The following CECR2 variants were observed in gnomAD, a reference collection of about 807,000 sequenced individuals.
The protein encoded by CECR2 is CECR2 histone acetyl-lysine reader, also known as chromatin remodeling regulator CECR2.
In CECR2, 30 loss-of-function variants were observed where a neutral mutation model predicts 154.5. The ratio of observed to expected loss-of-function variants is 0.19; its 90% CI spans 0.15 to 0.26. CECR2 has a LOEUF of 0.26. CECR2 is among the 10% of genes least tolerant of loss of function. CECR2 has a pLI of 1.00. For missense variants in CECR2, 1,743 were observed against 1,829.3 expected (o/e 0.95, Z 0.86); for synonymous variants, 725 against 683.7 (o/e 1.06, Z -0.94).
At chr22:17,431,470 CAT>C (rs1239782065) in intron 1 of CECR2, among the ~76,000 whole-genome samples, 2 of 152,192 alleles carry the variant, frequency 1.3e-5, no homozygotes, top group Non-Finnish European at 2.9e-5. Context: ...CTCTTCAAAA[CAT>C]ATATTTTGTT....
intron 2 of CECR2, among the ~76,000 whole-genome samples, chr22:17,487,451 G>C (rs915972185): frequency 1.3e-5 from 2 of 152,184 alleles, no homozygotes; most frequent in South Asian, 4.1e-4. Flanking sequence ...TGTAATCCCA[G>C]CACTTTGGGA....
intron 1 of CECR2, among the ~76,000 whole-genome samples, chr22:17,451,603 C>T (rs898116503): frequency 2.0e-5 from 3 of 152,130 alleles, no homozygotes; most frequent in African/African-American, 7.2e-5. Context: ...TCCGTTCCTC[C>T]GAGCACCAGA....
intron 9 of CECR2, among the ~76,000 whole-genome samples, chr22:17,535,362 C>G (rs1353674204): frequency 2.0e-5 from 3 of 152,028 alleles, no homozygotes; most frequent in Non-Finnish European, 2.9e-5. Context: ...GATGGACACC[C>G]CTTTGACAGT....
chr22:17,512,707 GAAAAAA>G (rs774207282), intron 8 of CECR2, among the ~76,000 whole-genome samples: 20 of 122,484 alleles, frequency 1.6e-4, no homozygotes, highest in Non-Finnish European at 2.6e-4. Flanking sequence ...CTCTGTCTCA[GAAAAAA>G]AAAAAAAAAA....
At chr22:17,443,449 TC>T (rs1386114608) in intron 1 of CECR2, among the ~76,000 whole-genome samples, 2 of 152,084 alleles carry the variant, frequency 1.3e-5, no homozygotes, top group Non-Finnish European at 2.9e-5. Flanking sequence ...TCTTAGAGAC[TC>T]CCTGGGAGCC....
At chr22:17,446,829 C>G (rs945274000) in intron 1 of CECR2, among the ~76,000 whole-genome samples, 4 of 152,244 alleles carry the variant, frequency 2.6e-5, no homozygotes, top group East Asian at 1.9e-4. Context: ...AGCAGGTTGC[C>G]GCTGTGAGGT....
chr22:17,463,282 T>A (rs987003430), intron 1 of CECR2, among the ~76,000 whole-genome samples: 1 of 152,144 alleles, frequency 6.6e-6, no homozygotes, highest in Admixed American at 6.5e-5. Context: ...GGTGAGGTCT[T>A]AGAGGTCATA....
At chr22:17,537,362 G>A (rs994874171) in intron 10 of CECR2, 130 bp downstream of exon 10, 1 of 1,086,468 alleles carries the variant, frequency 9.2e-7, no homozygotes, top group Admixed American at 2.1e-5. Flanking sequence ...GAGTGAACAG[G>A]GCGGGCCCTG....
In CECR2 at chr22:17,412,556, G is replaced by A. The variant is rs139399359; in HGVS notation, c.126+42647G>A. Among the ~76,000 whole-genome samples, 39 of 152,214 alleles carry A rather than the reference G, an allele frequency of 2.6e-4. No homozygotes were observed. The East Asian group carries it at 7.1e-3, about 28-fold the overall frequency. On this transcript the variant is annotated intron_variant, in intron 1 of 18. Coordinates refer to ENST00000262608, the MANE Select transcript of CECR2 (RefSeq NM_001290047.2). ...CTGGGGAGACATAAGGGCTGTCTCC[G>A]CCCTCCTACCTTCACCAGAGGTAAG...
At chr22:17,387,804 G>A (rs779661127) in intron 1 of CECR2, among the ~76,000 whole-genome samples, 4 of 152,116 alleles carry the variant, frequency 2.6e-5, no homozygotes, top group South Asian at 2.1e-4. Context: ...GCCAAGGGGC[G>A]TTTGGGTTAT....
chr22:17,498,774 C>T (rs2055679787), intron 3 of CECR2, among the ~76,000 whole-genome samples: 1 of 45,338 alleles, frequency 2.2e-5, no homozygotes, highest in African/African-American at 9.4e-5. Flanking sequence ...CGTGTGTGCT[C>T]ACATAAAACA....
chr22:17,538,275 T>TC (rs2056467719), intron 10 of CECR2, among the ~76,000 whole-genome samples: 1 of 152,170 alleles, frequency 6.6e-6, no homozygotes. Context: ...ACCATAAAGT[T>TC]CTGGATCATC....
At chr22:17,482,899 T>G (rs1268406388) in intron 2 of CECR2, among the ~76,000 whole-genome samples, 2 of 152,066 alleles carry the variant, frequency 1.3e-5, no homozygotes, top group Non-Finnish European at 2.9e-5. Context: ...GCCAGGATGG[T>G]CTCGATCTCC....
intron 1 of CECR2, among the ~76,000 whole-genome samples, chr22:17,444,722 CT>C (rs2054633604): frequency 6.6e-6 from 1 of 152,144 alleles, no homozygotes; most frequent in South Asian, 2.1e-4. Context: ...TGAACCCAGC[CT>C]AGAACTAATC....
chr22:17,406,987 A>T (rs772165745), intron 1 of CECR2, among the ~76,000 whole-genome samples: 1 of 152,176 alleles, frequency 6.6e-6, no homozygotes, highest in Non-Finnish European at 1.5e-5. Context: ...TTTCAAAGGG[A>T]AGCACCTTGT....
intron 2 of CECR2, among the ~76,000 whole-genome samples, chr22:17,487,538 A>G (rs1381833613): frequency 6.6e-6 from 1 of 152,164 alleles, no homozygotes; most frequent in African/African-American, 2.4e-5. Flanking sequence ...TCTGTACTTA[A>G]AAAATATAAA....
intron 1 of CECR2, among the ~76,000 whole-genome samples, chr22:17,372,644 G>A (rs2063074118): frequency 6.6e-6 from 1 of 152,078 alleles, no homozygotes; most frequent in African/African-American, 2.4e-5. Flanking sequence ...CTGCAGCCTG[G>A]GCGACAGGGC....
At chr22:17,432,117 A>AT (rs372032627) in intron 1 of CECR2, among the ~76,000 whole-genome samples, 10 of 90,274 alleles carry the variant, frequency 1.1e-4, no homozygotes, top group African/African-American at 5.3e-4. Flanking sequence ...GCCTGTATGG[A>AT]TTTGCCCACT....
At chr22:17,443,346 GTAA>G in intron 1 of CECR2, among the ~76,000 whole-genome samples, 1 of 152,166 alleles carries the variant, frequency 6.6e-6, no homozygotes. Flanking sequence ...GTTGGTAATT[GTAA>G]TAATATTTTA....
Sources: gnomAD v4.1 joint callset for allele counts (sites outside exome capture counted in the v4.1 genomes callset) on GRCh38, gnomAD v4.1.1 for gene constraint, MANE v1.5 for transcripts, NCBI Gene and HGNC (gene_info 2026-07-23, HGNC 2026-07-21) for gene names.